LTBP1: variants seen among roughly 807,000 people sequenced by gnomAD.
LTBP1 encodes latent transforming growth factor beta binding protein 1, also known as latent-transforming growth factor beta-binding protein 1.
Under a neutral mutation model 207.6 loss-of-function variants are expected in LTBP1, and 129 were observed. The ratio of observed to expected loss-of-function variants is 0.62; its 90% confidence interval spans 0.54 to 0.72. The LOEUF (loss-of-function observed/expected upper bound fraction) is 0.72, where lower values mean the gene tolerates loss of function less well. LTBP1 is among the 30% of genes least tolerant of loss of function. The probability of loss-of-function intolerance (pLI) is 0.00; values close to 1 mark genes in which losing one functional copy is unlikely to be tolerated. For synonymous variants in LTBP1, 963 were observed against 833.7 expected (o/e 1.16, Z -2.67); for missense variants, 2,281 against 2,217.2 (o/e 1.03, Z -0.58).
Position 33,021,099 on chromosome 2 carries a change from T to G in LTBP1, c.756T>G (p.Thr252=), listed in dbSNP as rs770414372. The G allele has an allele frequency of 6.2e-7, 1 of 1,613,956 alleles. No individual in the cohort carries two copies. Among genetic ancestry groups the G allele is most frequent in the African/African-American group, 1.3e-5 (1 of 74,912 alleles). The change falls in exon 3 of 34, where the codon ACT becomes ACG. Residue 252 remains threonine (T), a synonymous_variant. Transcript: ENST00000404816. ...CTCCTGAGCAAGCAGCAAAGCATAC[T>G]TCATCTAAGAAGGCAGACACTCTAC... The part of the protein sequence containing the change: ...WGPPEQAAKH[T]SSKKADTLPR...
chr2:33,069,077 A>G (rs1335764849), intron 3 of LTBP1, among the ~76,000 whole-genome samples: 1 of 152,226 alleles, frequency 6.6e-6, no homozygotes, highest in African/African-American at 2.4e-5. Flanking sequence ...CCGGAAGTTA[A>G]GCTTACTTAA....
At chr2:33,135,973 G>C (rs1174716349) in intron 5 of LTBP1, among the ~76,000 whole-genome samples, 1 of 152,118 alleles carries the variant, frequency 6.6e-6, no homozygotes, top group African/African-American at 2.4e-5. Context: ...TGTCTGGGGG[G>C]GTGGTAGGAG....
Position 32,999,765 on chromosome 2 carries a change from A to T in LTBP1, c.566-21144A>T, listed in dbSNP as rs1685816287. On this transcript the variant is annotated intron_variant, in intron 2 of 33. Transcript: ENST00000404816. The stretch of plus-strand genomic sequence containing the variant: ...ATTAGCTGGGCATGGTGGCGCCAAG[A>T]TCACACCACTGCACTCTAGCCTGGG... Among the ~76,000 whole-genome samples the T allele has an allele frequency of 1.5e-5, 2 of 132,996 alleles. 1 individual carries two copies. 87.3% of individuals were successfully genotyped at this position (132,996 alleles called of 152,430 possible).
At chr2:33,137,162 TTA>T (rs1178310427) in intron 5 of LTBP1, among the ~76,000 whole-genome samples, 1 of 152,216 alleles carries the variant, frequency 6.6e-6, no homozygotes, top group East Asian at 1.9e-4. Flanking sequence ...TCAAAAACGT[TTA>T]TGCATATATC....
chr2:33,341,884 A>C (rs1304643092), intron 24 of LTBP1, among the ~76,000 whole-genome samples: 1 of 152,016 alleles, frequency 6.6e-6, no homozygotes. Flanking sequence ...TTATTTGAAC[A>C]TAAAAGTGCA....
chr2:33,004,397 G>T (rs1005128096), intron 2 of LTBP1, among the ~76,000 whole-genome samples: 28 of 152,030 alleles, frequency 1.8e-4, no homozygotes, highest in African/African-American at 6.3e-4. Flanking sequence ...CCTTATATGG[G>T]CATGGCGATT....
At chr2:33,267,582 G>A (rs2093215003) in intron 15 of LTBP1, among the ~76,000 whole-genome samples, 1 of 152,188 alleles carries the variant, frequency 6.6e-6, no homozygotes, top group East Asian at 1.9e-4. Flanking sequence ...TGGACAGCAA[G>A]GATCTTCTAA....
intron 7 of LTBP1, among the ~76,000 whole-genome samples, chr2:33,207,760 G>C (rs915072333): frequency 3.3e-5 from 5 of 152,156 alleles, no homozygotes; most frequent in Non-Finnish European, 7.3e-5. Flanking sequence ...TTTACTTTTT[G>C]ATGCATAGAA....
At chr2:32,976,927 G>A (rs1681885438) in intron 2 of LTBP1, among the ~76,000 whole-genome samples, 1 of 152,208 alleles carries the variant, frequency 6.6e-6, no homozygotes, top group Admixed American at 6.5e-5. Context: ...GTGCTTCCTG[G>A]GGGAATATGG....
intron 5 of LTBP1, among the ~76,000 whole-genome samples, chr2:33,180,454 GTT>G (rs5830252): frequency 0.056 from 7,405 of 131,954 alleles, 594 homozygotes; most frequent in African/African-American, 0.19. Context: ...GCGTGGCATA[GTT>G]TTTTTTTTTT....
rs894238608 is a variant in LTBP1 at position 33,160,368 on chromosome 2, T to C, written c.1201+25408T>C. Among the ~76,000 whole-genome samples, 4 of 152,298 alleles carry C rather than the reference T, an allele frequency of 2.6e-5. No homozygotes were observed. In the South Asian group the frequency reaches 6.2e-4, roughly 24 times the overall value. Reference sequence around the variant, plus strand: ...TGGAATCCAAGTGCCTTGGACTGCTTTTGAGCAGGTCATTCATGTGGTTAG... The same window carrying C: ...TGGAATCCAAGTGCCTTGGACTGCTCTTGAGCAGGTCATTCATGTGGTTAG... On this transcript the variant is annotated intron_variant, in intron 5 of 33. Transcript: ENST00000404816.
chr2:33,014,994 CTT>C (rs970499735), intron 2 of LTBP1, among the ~76,000 whole-genome samples: 106 of 141,088 alleles, frequency 7.5e-4, no homozygotes, highest in African/African-American at 2.3e-3. Flanking sequence ...GTTTTGGCCA[CTT>C]TTTTTTTTTT....
At chr2:33,148,316 A>T (rs770036746) in intron 5 of LTBP1, among the ~76,000 whole-genome samples, 1 of 152,226 alleles carries the variant, frequency 6.6e-6, no homozygotes, top group African/African-American at 2.4e-5. Context: ...AATTAGTTTA[A>T]ACCTGTCATG....
intron 20 of LTBP1, among the ~76,000 whole-genome samples, chr2:33,299,597 T>C (rs1309459750): frequency 2.0e-5 from 3 of 152,206 alleles, no homozygotes; most frequent in African/African-American, 4.8e-5. Context: ...TAAACTCTTA[T>C]AAGTTGGCTA....
Position 33,360,637 on chromosome 2 carries a change from A to T in LTBP1, c.4041A>T (p.Lys1347Asn). The T allele has an allele frequency of 6.2e-7, 1 of 1,613,910 alleles. No homozygotes were observed. The highest frequency in any genetic ancestry group is 8.5e-7 in the Non-Finnish European group (1 of 1,179,790). ...VDVDQPKEEKKECYYNLNDAS... is the reference protein window; with the variant it reads ...VDVDQPKEEKNECYYNLNDAS... The stretch of plus-strand genomic sequence containing the variant: ...TAGATCAACCCAAAGAAGAAAAGAA[A>T]GAATGCTACTATAATCTCAATGACG... The change falls in exon 27 of 34, where the codon AAA becomes AAT. Residue 1347 changes from lysine to asparagine, a missense_variant. Physicochemically the swap from Lys to Asn is moderately conservative, Grantham distance 94 (BLOSUM62 0). This residue lies in a region of LTBP1 where 1,671 missense variants were observed against 1,634.8 expected (regional missense o/e 1.02). Coordinates refer to ENST00000404816, the MANE Select transcript of LTBP1 (RefSeq NM_206943.4).
intron 4 of LTBP1, among the ~76,000 whole-genome samples, chr2:33,115,037 TACAC>T (rs60544598): frequency 0.025 from 3,594 of 145,212 alleles, 49 homozygotes; most frequent in Middle Eastern, 0.056. Flanking sequence ...AACAGATATA[TACAC>T]ACACACACAC....
At chr2:33,324,265 T>C (rs2094396568) in intron 24 of LTBP1, among the ~76,000 whole-genome samples, 1 of 126,724 alleles carries the variant, frequency 7.9e-6, no homozygotes, top group Non-Finnish European at 1.6e-5. Flanking sequence ...TATATTGTTA[T>C]AATTGTTATA....
chr2:33,201,226 C>T (rs1573139223), intron 7 of LTBP1, among the ~76,000 whole-genome samples: 2 of 152,218 alleles, frequency 1.3e-5, no homozygotes, highest in East Asian at 1.9e-4. Context: ...TGGAACCAAC[C>T]CAAATGGCCA....
At chr2:33,377,165 A>AAGAC in intron 31 of LTBP1, among the ~76,000 whole-genome samples, 1 of 152,360 alleles carries the variant, frequency 6.6e-6, no homozygotes, top group East Asian at 1.9e-4. Context: ...TAAACTGCTG[A>AAGAC]AGACAGAGCT....
Sources: allele counts gnomAD v4.1 joint callset (sites outside exome capture counted in the v4.1 genomes callset), GRCh38; gene constraint gnomAD v4.1.1; regional missense constraint gnomAD v4.1.1; transcripts MANE v1.5; gene names NCBI Gene and HGNC (gene_info 2026-07-23, HGNC 2026-07-21).